Variants in SYT16 observed in about 807,000 individuals in gnomAD.
SYT16 encodes the protein synaptotagmin 16, also known as synaptotagmin-16.
SYT16 carries 42 observed loss-of-function variants against 61.4 expected under a neutral mutation model. The ratio of observed to expected loss-of-function variants is 0.68; its 90% CI spans 0.53 to 0.89. The LOEUF is 0.89. Among genes scored for constraint, SYT16 ranks in the 40% least tolerant of loss-of-function variants. SYT16 has a pLI of 0.00. For synonymous variants in SYT16, 314 were observed against 302.3 expected (o/e 1.04, Z -0.40); for missense variants, 804 against 807.3 (o/e 1.00, Z 0.05).
intron 1 of SYT16, among the ~76,000 whole-genome samples, chr14:61,874,767 G>A (rs568042281): frequency 2.1e-5 from 3 of 143,056 alleles, no homozygotes; most frequent in Non-Finnish European, 4.6e-5. Flanking sequence ...AATGCAGCAA[G>A]ATTTTTTTTT....
intron 1 of SYT16, among the ~76,000 whole-genome samples, chr14:61,924,814 A>G (rs1303676345): frequency 6.6e-6 from 1 of 152,236 alleles, no homozygotes; most frequent in African/African-American, 2.4e-5. Flanking sequence ...ATTCAGCCAC[A>G]AGTGACAGAC....
At chr14:61,887,943 C>G (rs189312190) in intron 1 of SYT16, among the ~76,000 whole-genome samples, 2 of 152,302 alleles carry the variant, frequency 1.3e-5, no homozygotes, top group Admixed American at 6.5e-5. Context: ...GCATTCACAA[C>G]TTGGCTAACT....
intron 3 of SYT16, among the ~76,000 whole-genome samples, chr14:62,057,641 G>A (rs900568589): frequency 2.6e-5 from 4 of 152,150 alleles, no homozygotes; most frequent in African/African-American, 9.7e-5. Context: ...TTATGGATTT[G>A]AGCTTTCTCA....
chr14:61,917,940 TA>T (rs893051337), intron 1 of SYT16, among the ~76,000 whole-genome samples: 5 of 152,192 alleles, frequency 3.3e-5, no homozygotes, highest in Non-Finnish European at 7.3e-5. Context: ...AACAATATTT[TA>T]AATGCTTTCG....
chr14:61,958,767 A>T (rs2050988543), intron 1 of SYT16, among the ~76,000 whole-genome samples: 1 of 151,970 alleles, frequency 6.6e-6, no homozygotes, highest in African/African-American at 2.4e-5. Context: ...TGTTAGGTCC[A>T]TTTGGCCTGT....
At chr14:61,817,358 C>T (rs1264328362) in intron 1 of SYT16, among the ~76,000 whole-genome samples, 1 of 148,266 alleles carries the variant, frequency 6.7e-6, no homozygotes, top group Non-Finnish European at 1.5e-5. Flanking sequence ...GTAGAGGTTG[C>T]AGTGAGCTGA....
In SYT16 at chr14:61,867,724, A is replaced by G. The variant is rs368472487; in HGVS notation, c.-325+54914A>G. Among the ~76,000 whole-genome samples the G allele has an allele frequency of 5.3e-5, 8 of 152,232 alleles. 1 individual carries two copies. The highest frequency in any genetic ancestry group is 1.9e-4 in the African/African-American group (8 of 41,576). On this transcript the variant is annotated intron_variant, in intron 1 of 7. Coordinates refer to ENST00000683842, the MANE Select transcript of SYT16 (RefSeq NM_001367656.1). ...TGATTTAACAAGTTTGTACTGTTGA[A>G]TAGGATGACCTTGCTCCCAGTCTTG...
At chr14:61,906,439 C>T (rs2048713065) in intron 1 of SYT16, among the ~76,000 whole-genome samples, 1 of 152,144 alleles carries the variant, frequency 6.6e-6, no homozygotes. Context: ...GGGCTCTGTA[C>T]TGTTTGTAGC....
At chr14:62,078,190 CACACACAT>C (rs2056581599) in intron 5 of SYT16, among the ~76,000 whole-genome samples, 9 of 151,680 alleles carry the variant, frequency 5.9e-5, no homozygotes, top group Middle Eastern at 3.4e-3. Flanking sequence ...CACACACACA[CACACACAT>C]ATGTCTATAT....
chr14:61,899,881 G>C (rs181758891), intron 1 of SYT16, among the ~76,000 whole-genome samples: 89 of 152,238 alleles, frequency 5.8e-4, no homozygotes, highest in South Asian at 5.0e-3. Context: ...TGTTCAGAAG[G>C]GGGCACTCAC....
intron 1 of SYT16, among the ~76,000 whole-genome samples, chr14:61,948,870 G>A (rs1480526402): frequency 1.3e-5 from 2 of 152,144 alleles, no homozygotes; most frequent in African/African-American, 4.8e-5. Context: ...TGATGACTTA[G>A]GCATACAGAA....
At chr14:62,086,195 T>C (rs1004630345) in intron 7 of SYT16, among the ~76,000 whole-genome samples, 5 of 152,206 alleles carry the variant, frequency 3.3e-5, no homozygotes, top group African/African-American at 1.2e-4. Flanking sequence ...TGTGAGTTAC[T>C]GGCTAGGCAC....
intron 1 of SYT16, among the ~76,000 whole-genome samples, chr14:61,872,971 C>T (rs1328100367): frequency 6.6e-6 from 1 of 152,152 alleles, no homozygotes; most frequent in African/African-American, 2.4e-5. Flanking sequence ...AGATGAGACT[C>T]ATATTAAAAC....
chr14:62,027,914 A>G (rs2054163731), intron 3 of SYT16, among the ~76,000 whole-genome samples: 1 of 152,144 alleles, frequency 6.6e-6, no homozygotes, highest in South Asian at 2.1e-4. Context: ...GCTCATTTTT[A>G]TTGCAGACTT....
intron 3 of SYT16, among the ~76,000 whole-genome samples, chr14:62,014,139 C>T (rs993263695): frequency 2.0e-5 from 3 of 152,134 alleles, no homozygotes; most frequent in Admixed American, 2.0e-4. Context: ...TCCATGACTT[C>T]CATGACAAAT....
At chr14:61,960,883 GTA>G (rs1475443492) in intron 1 of SYT16, among the ~76,000 whole-genome samples, 1 of 152,130 alleles carries the variant, frequency 6.6e-6, no homozygotes, top group Admixed American at 6.6e-5. Flanking sequence ...CAAGGCTACA[GTA>G]ACCAAAACAG....
chr14:61,996,094 T>C lies in SYT16; in HGVS notation c.75T>C (p.Tyr25=). 2.5e-6 allele frequency: 4 copies of C among 1,612,914 alleles called. No homozygotes were observed. The South Asian group carries it at 3.3e-5, about 13-fold the overall frequency. The change falls in exon 3 of 8, where the codon TAT becomes TAC. Residue 25 remains tyrosine, a synonymous_variant. Coordinates refer to ENST00000683842, the MANE Select transcript of SYT16 (RefSeq NM_001367656.1). ...QPFSSWISRV[Y]EALQQAGDML... ...TCTCTTCCTGGATATCTCGGGTTTA[T>C]GAAGCTCTCCAGCAAGCAGGAGATA...
Position 61,996,200 on chromosome 14 carries a change from C to G in SYT16, c.181C>G (p.Gln61Glu). The G allele has an allele frequency of 1.2e-6, 2 of 1,613,516 alleles. No homozygotes were observed. The highest frequency in any genetic ancestry group is 1.7e-6 in the Non-Finnish European group (2 of 1,179,624). The change falls in exon 3 of 8, where the codon CAG becomes GAG. Residue 61 changes from glutamine (Q) to glutamate (E), a missense_variant. Transcript: ENST00000683842. ...ACTAGATCAGGACTTAGATAATATTCAGATTCAGGAAACGTACTTTGAAGA... is the reference window on the plus strand; with the variant it reads ...ACTAGATCAGGACTTAGATAATATTGAGATTCAGGAAACGTACTTTGAAGA... The part of the protein sequence containing the change: ...DKLDQDLDNI[Q>E]IQETYFEDEE...
rs541369264 is a variant in SYT16 at position 62,107,922 on chromosome 14, G to A, written c.*7215G>A. 3 of 152,322 alleles carry A rather than the reference G, an allele frequency of 2.0e-5. No homozygotes were observed. Among genetic ancestry groups the A allele is most frequent in the African/African-American group, 7.2e-5 (3 of 41,562 alleles). The allele number at this position is 152,322 out of a possible 1,614,324, so 9.4% of individuals were successfully genotyped here. On this transcript the variant is annotated 3_prime_UTR_variant, in exon 8 of 8. Coordinates refer to ENST00000683842, the MANE Select transcript of SYT16 (RefSeq NM_001367656.1). ...AGTTAGATCCTGGAATGCTAGGTCT[G>A]TACAAACTTGACACATTTCTTACAA... is the stretch of plus-strand genomic sequence containing the variant.
Sources: gnomAD v4.1 joint callset for allele counts (sites outside exome capture counted in the v4.1 genomes callset) on GRCh38, gnomAD v4.1.1 for gene constraint, MANE v1.5 for transcripts, NCBI Gene and HGNC (gene_info 2026-07-23, HGNC 2026-07-21) for gene names.